GRXCR1: variants seen among roughly 807,000 people sequenced by gnomAD.
The protein encoded by GRXCR1 is glutaredoxin domain-containing cysteine-rich protein 1.
A neutral mutation model predicts 27.3 loss-of-function variants in GRXCR1; 27 were observed. The ratio of observed to expected loss-of-function variants is 0.99; its 90% CI spans 0.73 to 1.37. The LOEUF is 1.37. Ranked by LOEUF, GRXCR1 falls within the 40% of genes most tolerant of loss-of-function variation. The probability of loss-of-function intolerance (pLI) is 0.00; values close to 1 mark genes in which losing one functional copy is unlikely to be tolerated. For missense variants in GRXCR1, 379 were observed against 354.4 expected (o/e 1.07, Z -0.56); for synonymous variants, 122 against 131.1 (o/e 0.93, Z 0.47).
chr4:42,930,244 CTTA>C (rs1747271748), intron 1 of GRXCR1, among the ~76,000 whole-genome samples: 1 of 152,016 alleles, frequency 6.6e-6, no homozygotes, highest in African/African-American at 2.4e-5. Flanking sequence ...CAAGTTAATA[CTTA>C]TTATTAGGCA....
At chr4:43,026,022 C>G (rs913612407) in intron 3 of GRXCR1, among the ~76,000 whole-genome samples, 11 of 148,592 alleles carry the variant, frequency 7.4e-5, no homozygotes, top group African/African-American at 2.5e-4. Context: ...CTAATAGTTA[C>G]TAATAGTAAT....
intron 1 of GRXCR1, among the ~76,000 whole-genome samples, chr4:42,895,816 G>T (rs1746335655): frequency 6.6e-6 from 1 of 151,988 alleles, no homozygotes; most frequent in Non-Finnish European, 1.5e-5. Context: ...GAAGCCCCAG[G>T]GGCTAGAAGC....
intron 2 of GRXCR1, among the ~76,000 whole-genome samples, chr4:42,989,249 G>C (rs373074241): frequency 2.6e-4 from 40 of 152,140 alleles, no homozygotes; most frequent in African/African-American, 9.4e-4. Context: ...TTCTCCTGAG[G>C]CCTCTCTTCT....
intron 1 of GRXCR1, among the ~76,000 whole-genome samples, chr4:42,937,253 T>C (rs1332213287): frequency 7.0e-6 from 1 of 142,766 alleles, no homozygotes; most frequent in African/African-American, 2.6e-5. Flanking sequence ...TTGAGTCCCA[T>C]TGACATACTC....
At position 42,985,299 on chromosome 4, in the gene GRXCR1, A is replaced by T. The variant is rs1166280523; in HGVS notation, c.627+22165A>T. On this transcript the variant is annotated intron_variant, in intron 2 of 3. Transcript: ENST00000399770. Reference sequence around the variant, plus strand: ...CCATTCTTAATTTGATTGAAGAAAAAATGTATAATCTGTGTTTTTTATTTG... The same window carrying T: ...CCATTCTTAATTTGATTGAAGAAAATATGTATAATCTGTGTTTTTTATTTG... Among the ~76,000 whole-genome samples, 9 of 152,204 alleles carry T rather than the reference A, an allele frequency of 5.9e-5. No homozygotes were observed. In the East Asian group the frequency reaches 1.7e-3, roughly 29 times the overall value.
intron 1 of GRXCR1, among the ~76,000 whole-genome samples, chr4:42,958,271 A>G (rs2109772665): frequency 6.6e-6 from 1 of 152,174 alleles, no homozygotes. Flanking sequence ...TCCTGGTAAC[A>G]GAAATAAACC....
intron 1 of GRXCR1, among the ~76,000 whole-genome samples, chr4:42,944,862 A>G (rs1258881495): frequency 6.6e-6 from 1 of 152,156 alleles, no homozygotes; most frequent in Non-Finnish European, 1.5e-5. Flanking sequence ...TTTGGAGGAC[A>G]AAAGACATAA....
At chr4:43,013,758 C>A (rs1434230292) in intron 2 of GRXCR1, among the ~76,000 whole-genome samples, 1 of 152,210 alleles carries the variant, frequency 6.6e-6, no homozygotes, top group Admixed American at 6.5e-5. Context: ...TCTAGATCAA[C>A]TCCCAACACT....
At chr4:42,909,483 C>G (rs2109743846) in intron 1 of GRXCR1, among the ~76,000 whole-genome samples, 1 of 152,222 alleles carries the variant, frequency 6.6e-6, no homozygotes, top group South Asian at 2.1e-4. Context: ...ACAAAACAAA[C>G]TCTTCATATT....
At chr4:43,028,398 A>G (rs1713323351) in intron 3 of GRXCR1, among the ~76,000 whole-genome samples, 1 of 152,216 alleles carries the variant, frequency 6.6e-6, no homozygotes, top group Non-Finnish European at 1.5e-5. Flanking sequence ...AAAATCTGAC[A>G]ACTCTACTTT....
At chr4:42,929,194 A>C (rs748295937) in intron 1 of GRXCR1, among the ~76,000 whole-genome samples, 97 of 152,056 alleles carry the variant, frequency 6.4e-4, no homozygotes, top group Non-Finnish European at 9.6e-4. Flanking sequence ...ACACAAGAGC[A>C]ATCACTTTGC....
At chr4:42,978,057 G>A (rs1279831927) in intron 2 of GRXCR1, among the ~76,000 whole-genome samples, 3 of 152,018 alleles carry the variant, frequency 2.0e-5, no homozygotes, top group East Asian at 1.9e-4. Flanking sequence ...TGAAGAAACT[G>A]TGCTTTCCCC....
At chr4:42,902,279 G>GT (rs1746478654) in intron 1 of GRXCR1, among the ~76,000 whole-genome samples, 1 of 152,136 alleles carries the variant, frequency 6.6e-6, no homozygotes, top group Non-Finnish European at 1.5e-5. Context: ...TAAACTAGTG[G>GT]TTTTATGGAA....
chr4:42,962,984 T>G lies in GRXCR1; in HGVS notation c.477T>G (p.Val159=). The G allele has an allele frequency of 6.2e-7, 1 of 1,612,876 alleles. No individual in the cohort carries two copies. The stretch of plus-strand genomic sequence containing the variant: ...CAACCTTTGAAAGATGTGAACTGGT[T>G]AGAAAGATTTTCCAAAACCATCGCG... The part of the protein sequence containing the change: ...VRTTFERCEL[V]RKIFQNHRVK... Residue 159 remains valine, a synonymous_variant, in exon 2 of 4, where the codon GTT becomes GTG. Transcript: ENST00000399770.
At chr4:42,959,110 T>C (rs1289840225) in intron 1 of GRXCR1, among the ~76,000 whole-genome samples, 1 of 151,992 alleles carries the variant, frequency 6.6e-6, no homozygotes, top group Admixed American at 6.6e-5. Flanking sequence ...TAAAGACACC[T>C]GCACTCTCAT....
intron 1 of GRXCR1, among the ~76,000 whole-genome samples, chr4:42,935,768 C>A (rs1747441285): frequency 6.6e-6 from 1 of 151,744 alleles, no homozygotes; most frequent in South Asian, 2.1e-4. Context: ...GATTAAAGTT[C>A]TTTTTGAATA....
At chr4:42,951,217 T>C (rs1449042842) in intron 1 of GRXCR1, among the ~76,000 whole-genome samples, 2 of 152,220 alleles carry the variant, frequency 1.3e-5, no homozygotes, top group Non-Finnish European at 2.9e-5. Flanking sequence ...TCTGCCTTTT[T>C]GTTCTATTCA....
intron 1 of GRXCR1, among the ~76,000 whole-genome samples, chr4:42,945,601 G>A (rs1300454703): frequency 6.6e-6 from 1 of 152,120 alleles, no homozygotes; most frequent in African/African-American, 2.4e-5. Context: ...TAGAGGTTTG[G>A]ATTGTAAATT....
chr4:42,979,776 A>G (rs1748606526), intron 2 of GRXCR1, among the ~76,000 whole-genome samples: 1 of 152,034 alleles, frequency 6.6e-6, no homozygotes, highest in South Asian at 2.1e-4. Context: ...GGTAGAATTC[A>G]GCAGTAAAGC....
Sources: allele counts gnomAD v4.1 joint callset (sites outside exome capture counted in the v4.1 genomes callset), GRCh38; gene constraint gnomAD v4.1.1; transcripts MANE v1.5; gene names NCBI Gene and HGNC (gene_info 2026-07-23, HGNC 2026-07-21).